Variants in PCCA observed in about 807,000 individuals in gnomAD.
PCCA encodes the protein propionyl-CoA carboxylase alpha chain, mitochondrial.
A neutral mutation model predicts 101.3 loss-of-function variants in PCCA; 74 were observed. The observed-to-expected ratio is 0.73, with a 90% CI of 0.61 to 0.89. The LOEUF (loss-of-function observed/expected upper bound fraction) is 0.89. PCCA is among the 40% of genes least tolerant of loss of function. The pLI, the probability that PCCA is intolerant of heterozygous loss-of-function variation, is 0.00. For missense variants in PCCA, 891 were observed against 907.0 expected, an observed-to-expected ratio of 0.98 and a Z score of 0.23; for synonymous variants, 294 against 313.6, an observed-to-expected ratio of 0.94 and a Z score of 0.66.
intron 2 of PCCA, among the ~76,000 whole-genome samples, chr13:100,107,993 G>T (rs1204473464): frequency 6.6e-6 from 1 of 152,176 alleles, no homozygotes; most frequent in Non-Finnish European, 1.5e-5. Context: ...CCATTGTGCT[G>T]TATCCTTTCT....
chr13:100,099,654 C>T (rs774205722), intron 1 of PCCA, among the ~76,000 whole-genome samples: 1 of 151,876 alleles, frequency 6.6e-6, no homozygotes, highest in Non-Finnish European at 1.5e-5. Context: ...TTTTTCCAGC[C>T]ACTGCAAACA....
At chr13:100,273,137 C>T in intron 11 of PCCA, 59 bp from the exon 12 acceptor site, 7 of 1,326,166 alleles carry the variant, frequency 5.3e-6, no homozygotes, top group Non-Finnish European at 7.6e-6. Flanking sequence ...ATGTAATGCA[C>T]ACAAAAGATA....
intron 20 of PCCA, among the ~76,000 whole-genome samples, chr13:100,442,816 G>C (rs1306494305): frequency 6.6e-6 from 1 of 152,202 alleles, no homozygotes; most frequent in Non-Finnish European, 1.5e-5. Flanking sequence ...ACTGAGCTGA[G>C]ACCTACGAAG....
Position 100,482,650 on chromosome 13 carries a change from G to A in PCCA, c.1900-32777G>A, listed in dbSNP as rs140827859. Among the ~76,000 whole-genome samples the A allele has an allele frequency of 5.5e-3, 845 of 152,344 alleles. 7 individuals carry two copies. The highest frequency in any genetic ancestry group is 0.019 in the African/African-American group (788 of 41,578). On this transcript the variant is annotated intron_variant, in intron 21 of 23. Transcript: ENST00000376285. ...GTTCCCCAAGCTGAAATGCAATGGT[G>A]CAGTCTCAGCTCACTGAAACCTCCA... is the stretch of plus-strand genomic sequence containing the variant.
At chr13:100,179,076 C>CA (rs57393133) in intron 6 of PCCA, among the ~76,000 whole-genome samples, 12 of 135,172 alleles carry the variant, frequency 8.9e-5, no homozygotes, top group South Asian at 2.4e-4. Flanking sequence ...GACTCCTTCT[C>CA]AAAAAAAAAA....
At chr13:100,404,197 C>A (rs2783216) in intron 19 of PCCA, among the ~76,000 whole-genome samples, 19,897 of 152,060 alleles carry the variant, frequency 0.13, 4,292 homozygotes, top group African/African-American at 0.45. Context: ...AACCAGAGGA[C>A]GGGTAAAGAT....
chr13:100,519,599 T>C (rs1169200274), intron 22 of PCCA, among the ~76,000 whole-genome samples: 1 of 152,234 alleles, frequency 6.6e-6, no homozygotes, highest in Non-Finnish European at 1.5e-5. Flanking sequence ...CAAGCAGGTG[T>C]GCAGTCAGGG....
At chr13:100,400,630 CTTT>C (rs1281449669) in intron 19 of PCCA, among the ~76,000 whole-genome samples, 3 of 90,972 alleles carry the variant, frequency 3.3e-5, no homozygotes, top group African/African-American at 1.6e-4. Context: ...CTTTTTAGTT[CTTT>C]TTTTTTTTTT....
At chr13:100,414,260 C>A (rs1047930000) in intron 19 of PCCA, among the ~76,000 whole-genome samples, 1 of 152,042 alleles carries the variant, frequency 6.6e-6, no homozygotes, top group African/African-American at 2.4e-5. Context: ...AGGCTGTTTC[C>A]AAGGTGATGG....
chr13:100,199,400 T>C (rs1015043577), intron 6 of PCCA, among the ~76,000 whole-genome samples: 1 of 152,222 alleles, frequency 6.6e-6, no homozygotes, highest in African/African-American at 2.4e-5. Context: ...TCTTAGTCTG[T>C]AGGCTCCTCT....
At chr13:100,278,072 T>G (rs188639579) in intron 12 of PCCA, among the ~76,000 whole-genome samples, 1 of 152,362 alleles carries the variant, frequency 6.6e-6, no homozygotes, top group East Asian at 1.9e-4. Flanking sequence ...GCCTATATTT[T>G]ATTTTGTGAC....
In PCCA at chr13:100,278,479, T is replaced by C. The variant is rs552896380; in HGVS notation, c.1065+5133T>C. On this transcript the variant is annotated intron_variant, in intron 12 of 23. Coordinates refer to ENST00000376285, the MANE Select transcript of PCCA (RefSeq NM_000282.4). Reference sequence around the variant, plus strand: ...TGGTTGTTTCTGGTATAAAACCCGATAGTTGATTTTTTTTTTTTTTTTAAA... The same window carrying C: ...TGGTTGTTTCTGGTATAAAACCCGACAGTTGATTTTTTTTTTTTTTTTAAA... Among the ~76,000 whole-genome samples, 454 of 142,684 alleles carry C rather than the reference T, an allele frequency of 3.2e-3. 5 individuals are homozygous for C. Among genetic ancestry groups the C allele is most frequent in the South Asian group, 5.2e-3 (24 of 4,596 alleles). 93.6% of individuals were successfully genotyped at this position (142,684 alleles called of 152,430 possible). A position where few individuals can be genotyped will look rare whatever the true frequency, so the allele number is the denominator to read the frequency against.
rs142697334 is a variant in PCCA, at chr13:100,212,379, T to C, written c.600+2916T>C. ...TGGGACACATAGTAGACTATGTGAC[T>C]CACAAAGCCTAAAATATTTACTTCC... On this transcript the variant is annotated intron_variant, in intron 7 of 23. Transcript: ENST00000376285. Among the ~76,000 whole-genome samples the C allele has an allele frequency of 7.2e-3, 1,091 of 152,320 alleles. 22 individuals carry two copies. The highest frequency in any genetic ancestry group is 0.027 in the South Asian group (132 of 4,820).
chr13:100,209,358 A>T lies in PCCA; in HGVS notation c.495A>T (p.Gly165=). 6.2e-7 allele frequency: 1 copy of T among 1,613,556 alleles called. No individual in the cohort carries two copies. Among genetic ancestry groups the T allele is most frequent in the Non-Finnish European group, 8.5e-7 (1 of 1,179,528 alleles). The stretch of plus-strand genomic sequence containing the variant: ...CAGCAGAAGATGTCGTTTTCATTGG[A>T]CCTGACACACATGCTATTCAAGCCA... ...CLAAEDVVFI[G]PDTHAIQAMG... Residue 165 remains glycine (G), a synonymous_variant, in exon 7 of 24, where the codon GGA becomes GGT. Coordinates refer to ENST00000376285, the MANE Select transcript of PCCA (RefSeq NM_000282.4).
chr13:100,150,293 A>G (rs1340966759), intron 4 of PCCA, among the ~76,000 whole-genome samples: 1 of 152,130 alleles, frequency 6.6e-6, no homozygotes, highest in East Asian at 1.9e-4. Context: ...CGGCCTCCCA[A>G]AGTGCTGGGA....
chr13:100,154,567 A>G, intron 4 of PCCA: 1 of 283,180 alleles, frequency 3.5e-6, no homozygotes, highest in Non-Finnish European at 6.8e-6. Context: ...CAGTCCCTCT[A>G]ATTATCCCAA....
At chr13:100,398,238 T>C (rs778737195) in intron 19 of PCCA, among the ~76,000 whole-genome samples, 45 of 152,176 alleles carry the variant, frequency 3.0e-4, no homozygotes, top group Non-Finnish European at 4.6e-4. Context: ...TTAATTGATA[T>C]TTTAACCAAA....
chr13:100,291,124 C>T (rs1365291457), intron 12 of PCCA, among the ~76,000 whole-genome samples: 6 of 151,984 alleles, frequency 3.9e-5, no homozygotes, highest in Admixed American at 1.3e-4. Context: ...TTAAAGTATA[C>T]GGAAAGGGCT....
chr13:100,151,004 C>A, intron 4 of PCCA: 1 of 1,529,948 alleles, frequency 6.5e-7, no homozygotes. Context: ...AGAGAGCTGG[C>A]GGTACTGCCA....
Sources: allele counts gnomAD v4.1 joint callset (sites outside exome capture counted in the v4.1 genomes callset), GRCh38; gene constraint gnomAD v4.1.1; transcripts MANE v1.5; gene names NCBI Gene and HGNC (gene_info 2026-07-23, HGNC 2026-07-21).